The following CPSF7 variants were observed in gnomAD, a reference collection of about 807,000 sequenced individuals.
CPSF7 encodes cleavage and polyadenylation specific factor 7.
In CPSF7, 1 loss-of-function variant was observed where a neutral mutation model predicts 44.3. The ratio of observed to expected loss-of-function variants is 0.02; its 90% CI spans 0.01 to 0.11. The LOEUF (loss-of-function observed/expected upper bound fraction) is 0.11, where lower values mean the gene tolerates loss of function less well. Among genes scored for constraint, CPSF7 ranks in the 10% least tolerant of loss-of-function variants. The probability of loss-of-function intolerance (pLI) is 1.00; values close to 1 mark genes in which losing one functional copy is unlikely to be tolerated. For synonymous variants in CPSF7, 202 were observed against 222.0 expected, an observed-to-expected ratio of 0.91 and a Z score of 0.80; for missense variants, 443 against 607.2, an observed-to-expected ratio of 0.73 and a Z score of 2.84.
intron 9 of CPSF7, among the ~76,000 whole-genome samples, chr11:61,408,177 C>T (rs1476660326): frequency 6.6e-6 from 1 of 151,972 alleles, no homozygotes; most frequent in East Asian, 1.9e-4. Context: ...CTGCCTCAGC[C>T]TCCTGAGTAG....
At chr11:61,415,412 A>G (rs373028936) in intron 7 of CPSF7, among the ~76,000 whole-genome samples, 170 of 152,246 alleles carry the variant, frequency 1.1e-3, no homozygotes, top group African/African-American at 3.9e-3. Flanking sequence ...CCACATCGAG[A>G]TGGTATTAAT....
At chr11:61,409,597 A>T (rs559635320) in intron 9 of CPSF7, among the ~76,000 whole-genome samples, 1 of 152,098 alleles carries the variant, frequency 6.6e-6, no homozygotes, top group Non-Finnish European at 1.5e-5. Flanking sequence ...GTTAAAGATA[A>T]TTTTTCAGAT....
intron 5 of CPSF7, among the ~76,000 whole-genome samples, chr11:61,418,004 A>G (rs1458120212): frequency 2.0e-5 from 3 of 152,228 alleles, no homozygotes; most frequent in East Asian, 1.9e-4. Flanking sequence ...ATACAGTTGT[A>G]AAATTACATA....
At chr11:61,414,963 G>A (rs915751911) in intron 7 of CPSF7, among the ~76,000 whole-genome samples, 5 of 152,188 alleles carry the variant, frequency 3.3e-5, no homozygotes, top group African/African-American at 1.2e-4. Context: ...TAGGCTGGAC[G>A]TGGTGGCTCA....
At chr11:61,409,595 T>C (rs948243845) in intron 9 of CPSF7, among the ~76,000 whole-genome samples, 2 of 152,192 alleles carry the variant, frequency 1.3e-5, no homozygotes, top group Admixed American at 6.5e-5. Flanking sequence ...CTGTTAAAGA[T>C]AATTTTTCAG....
intron 4 of CPSF7, 61 bp downstream of exon 4, chr11:61,420,409 G>C: frequency 6.9e-7 from 1 of 1,448,274 alleles, no homozygotes; most frequent in Non-Finnish European, 9.7e-7. Flanking sequence ...CCAAAATATA[G>C]TACAGATCTT....
Position 61,411,831 on chromosome 11 carries a change from C to T in CPSF7, c.1164G>A (p.Lys388=). ...ERCRVLISSL[K]DCLHGIEAKS... is the part of the protein sequence containing the mutation. ...TGGCTTCGATGCCATGAAGACAGTC[C>T]TTAAGAGAGGAGATGAGGACACGGC... Residue 388 remains lysine (K), a synonymous_variant, in exon 8 of 10, where the codon AAG becomes AAA. Coordinates refer to ENST00000439958, the MANE Select transcript of CPSF7 (RefSeq NM_001142565.3). The T allele has an allele frequency of 6.2e-7, 1 of 1,614,080 alleles. No homozygotes were observed. Among genetic ancestry groups the T allele is most frequent in the Non-Finnish European group, 8.5e-7 (1 of 1,180,012 alleles).
chr11:61,408,876 G>A (rs541281065), intron 9 of CPSF7, among the ~76,000 whole-genome samples: 1 of 152,280 alleles, frequency 6.6e-6, no homozygotes, highest in East Asian at 1.9e-4. Context: ...CTTTCATTTT[G>A]CTTCAAAAGA....
intron 7 of CPSF7, among the ~76,000 whole-genome samples, 188 bp downstream of exon 7, chr11:61,415,478 T>G (rs1860237522): frequency 6.6e-6 from 1 of 152,188 alleles, no homozygotes; most frequent in Non-Finnish European, 1.5e-5. Context: ...AGATACAGAC[T>G]AAGTAATACT....
intron 9 of CPSF7, among the ~76,000 whole-genome samples, chr11:61,404,984 A>C (rs1032127035): frequency 4.6e-5 from 7 of 152,220 alleles, no homozygotes; most frequent in Admixed American, 1.3e-4. Context: ...AGGTCTCTGA[A>C]CGTTCGACTG....
At chr11:61,421,733 C>A in intron 2 of CPSF7, 125 bp from the exon 3 acceptor site, 1 of 674,880 alleles carries the variant, frequency 1.5e-6, no homozygotes, top group Non-Finnish European at 2.5e-6. Flanking sequence ...CTTGTCCTAC[C>A]CCAGGAAACA....
At chr11:61,411,664 CG>C (rs1001361605) in intron 8 of CPSF7, 104 bp downstream of exon 8, 2 of 1,012,974 alleles carry the variant, frequency 2.0e-6, no homozygotes, top group African/African-American at 3.2e-5. Flanking sequence ...TCCAGACTTT[CG>C]GCCAGGTCTT....
At chr11:61,429,866 G>T in intron 1 of CPSF7, 48 bp downstream of exon 1, 3 of 1,537,330 alleles carry the variant, frequency 2.0e-6, no homozygotes, top group Non-Finnish European at 8.8e-7. Flanking sequence ...GTGCCGGCCC[G>T]GACCCCTCTT....
intron 7 of CPSF7, 112 bp downstream of exon 7, chr11:61,415,554 T>C (rs778254395): frequency 1.4e-6 from 1 of 710,856 alleles, no homozygotes; most frequent in Non-Finnish European, 2.5e-6. Context: ...CCGCTCTTGA[T>C]ATCTACAGTA....
At chr11:61,410,859 T>A in intron 9 of CPSF7, 79 bp downstream of exon 9, 2 of 1,426,688 alleles carry the variant, frequency 1.4e-6, no homozygotes, top group Non-Finnish European at 1.9e-6. Context: ...ACTTTTGCTT[T>A]AAAGAGAGAG....
At chr11:61,416,007 A>G in intron 6 of CPSF7, 98 bp downstream of exon 6, 1 of 1,161,114 alleles carries the variant, frequency 8.6e-7, no homozygotes, top group Non-Finnish European at 1.2e-6. Flanking sequence ...TCTATAAGGG[A>G]AAGAACAAGG....
intron 2 of CPSF7, among the ~76,000 whole-genome samples, chr11:61,426,262 C>T (rs1490800181): frequency 6.6e-6 from 1 of 152,210 alleles, no homozygotes; most frequent in Non-Finnish European, 1.5e-5. Flanking sequence ...CATTCTAAAA[C>T]ACAATTTGTA....
At chr11:61,412,261 T>C (rs550737470) in intron 7 of CPSF7, among the ~76,000 whole-genome samples, 16 of 152,158 alleles carry the variant, frequency 1.1e-4, no homozygotes, top group African/African-American at 3.9e-4. Context: ...CAAGTGTGTA[T>C]GTTTAACAGT....
chr11:61,422,198 G>A (rs555074499), intron 2 of CPSF7, among the ~76,000 whole-genome samples: 8 of 152,124 alleles, frequency 5.3e-5, no homozygotes, highest in East Asian at 1.9e-4. Flanking sequence ...TCTTTCCATC[G>A]GAGAAAATAA....
Sources: gnomAD v4.1 joint callset for allele counts (sites outside exome capture counted in the v4.1 genomes callset) on GRCh38, gnomAD v4.1.1 for gene constraint, MANE v1.5 for transcripts, NCBI Gene and HGNC (gene_info 2026-07-23, HGNC 2026-07-21) for gene names.